NUP98: variants seen among roughly 807,000 people sequenced by gnomAD.
NUP98 encodes nuclear pore complex protein Nup98-Nup96.
In NUP98, 26 loss-of-function variants were observed where a neutral mutation model predicts 191.9. That is an observed-to-expected ratio of 0.14 (90% confidence interval 0.10 to 0.19). NUP98 has a LOEUF of 0.19. NUP98 is among the 10% of genes least tolerant of loss of function. The pLI, the probability that NUP98 is intolerant of heterozygous loss-of-function variation, is 1.00. For synonymous variants in NUP98, 808 were observed against 778.4 expected, an observed-to-expected ratio of 1.04 and a Z score of -0.63; for missense variants, 1,941 against 2,178.8, an observed-to-expected ratio of 0.89 and a Z score of 2.17.
rs775513489 is a variant in NUP98, at chr11:3,706,674, A to G, written c.2743-47T>C. 11 of 1,491,994 alleles carry G rather than the reference A, an allele frequency of 7.4e-6. No homozygotes were observed. The African/African-American group carries it at 1.5e-4, about 21-fold the overall frequency. The allele number at this position is 1,491,994 out of a possible 1,614,324, so 92.4% of individuals were successfully genotyped here. ...GGAAAGCAGCATTAAATTATACCAAACAGAAATAGATTCTAAATCAGATTT... is the reference window on the plus strand; with the variant it reads ...GGAAAGCAGCATTAAATTATACCAAGCAGAAATAGATTCTAAATCAGATTT... On this transcript the variant is annotated intron_variant, in intron 20 of 32. Coordinates refer to ENST00000324932, the MANE Select transcript of NUP98 (RefSeq NM_016320.5).
At chr11:3,696,398 A>G (rs536642294) in intron 25 of NUP98, among the ~76,000 whole-genome samples, 1 of 151,906 alleles carries the variant, frequency 6.6e-6, no homozygotes. Context: ...GCTACTCAAG[A>G]GGCTGAGACA....
intron 1 of NUP98, among the ~76,000 whole-genome samples, chr11:3,796,109 A>T (rs1564946841): frequency 6.6e-6 from 1 of 152,170 alleles, no homozygotes; most frequent in East Asian, 1.9e-4. Context: ...TTCTTTTCGA[A>T]TTTGTAAGAC....
chr11:3,775,578 T>C (rs1272077863), intron 5 of NUP98, among the ~76,000 whole-genome samples: 5 of 151,838 alleles, frequency 3.3e-5, no homozygotes, highest in African/African-American at 9.7e-5. Flanking sequence ...AATTGAACAG[T>C]TGACCATTCA....
intron 7 of NUP98, among the ~76,000 whole-genome samples, chr11:3,771,415 T>C (rs2081527484): frequency 6.6e-6 from 1 of 152,126 alleles, no homozygotes; most frequent in Admixed American, 6.6e-5. Flanking sequence ...TCCCTTGCCC[T>C]CTCTTCAAAT....
intron 13 of NUP98, among the ~76,000 whole-genome samples, chr11:3,732,231 G>A (rs1361524728): frequency 6.6e-6 from 1 of 152,134 alleles, no homozygotes; most frequent in African/African-American, 2.4e-5. Context: ...CTGGGTGACA[G>A]AGCGAGACTC....
chr11:3,721,677 C>T (rs2079405884), intron 16 of NUP98, among the ~76,000 whole-genome samples: 1 of 150,400 alleles, frequency 6.6e-6, no homozygotes, highest in Admixed American at 6.6e-5. Context: ...CCAGCCTGGG[C>T]AACCAAGAGT....
At chr11:3,736,614 C>A (rs960608898) in intron 12 of NUP98, among the ~76,000 whole-genome samples, 6 of 152,106 alleles carry the variant, frequency 3.9e-5, no homozygotes, top group Non-Finnish European at 7.4e-5. Flanking sequence ...GGTGAAAGAG[C>A]GAGACTCTGC....
intron 28 of NUP98, among the ~76,000 whole-genome samples, chr11:3,688,941 G>C (rs1205794321): frequency 1.3e-5 from 2 of 151,060 alleles, no homozygotes; most frequent in Non-Finnish European, 2.9e-5. Flanking sequence ...GGTAATGTAA[G>C]AAGACTTCTC....
intron 24 of NUP98, 115 bp downstream of exon 24, chr11:3,700,495 A>G (rs2078644392): frequency 8.1e-6 from 5 of 618,454 alleles, no homozygotes; most frequent in Non-Finnish European, 1.4e-5. Flanking sequence ...TCAGAAAATG[A>G]CAAGCACAGG....
chr11:3,676,347 G>A lies in NUP98; in HGVS notation c.5215C>T (p.Arg1739Cys), dbSNP rs764183114. 41 of 1,613,894 alleles carry A rather than the reference G, an allele frequency of 2.5e-5. No individual in the cohort carries two copies. The highest frequency in any genetic ancestry group is 1.1e-4 in the East Asian group (5 of 44,894). ...DMAKRVANLLRVVLSLHHPPD... is the reference protein window; with the variant it reads ...DMAKRVANLLCVVLSLHHPPD... ...GGATGATGCAGACTCAGCACCACGC[G>A]CAGCAGGTTGGCTACACGTTTGGCC... Residue 1739 changes from arginine (R) to cysteine (C), a missense_variant, in exon 33 of 33, where the codon CGC becomes TGC. Physicochemically the swap from Arg to Cys is radical, Grantham distance 180. Coordinates refer to ENST00000324932, the MANE Select transcript of NUP98 (RefSeq NM_016320.5).
intron 20 of NUP98, among the ~76,000 whole-genome samples, chr11:3,709,423 G>C (rs1411608234): frequency 6.6e-6 from 1 of 152,010 alleles, no homozygotes; most frequent in East Asian, 1.9e-4. Context: ...ACTTATTTAG[G>C]CAGGGCGCTG....
At chr11:3,678,621 A>G (rs2077890180) in intron 31 of NUP98, among the ~76,000 whole-genome samples, 1 of 152,202 alleles carries the variant, frequency 6.6e-6, no homozygotes, top group African/African-American at 2.4e-5. Flanking sequence ...TGTGGAACAT[A>G]ATATGGTTTG....
At chr11:3,779,416 C>A (rs965259793) in intron 2 of NUP98, among the ~76,000 whole-genome samples, 159 bp from the exon 3 acceptor site, 1 of 151,980 alleles carries the variant, frequency 6.6e-6, no homozygotes, top group Non-Finnish European at 1.5e-5. Context: ...CCGAGGCGGG[C>A]GGATCACCTG....
chr11:3,723,744 AAATAAT>A (rs149531138), intron 15 of NUP98, among the ~76,000 whole-genome samples: 16 of 151,618 alleles, frequency 1.1e-4, no homozygotes, highest in South Asian at 2.1e-4. Context: ...AATGCTTTAT[AAATAAT>A]AATAATAATA....
At chr11:3,724,106 A>C (rs1258539464) in intron 15 of NUP98, among the ~76,000 whole-genome samples, 1 of 152,084 alleles carries the variant, frequency 6.6e-6, no homozygotes, top group African/African-American at 2.4e-5. Flanking sequence ...TCATTCGTGC[A>C]TAATCTTTAT....
rs2081987117 is a variant in NUP98, at chr11:3,782,026, CT to C, written c.76+15del. On this transcript the variant is annotated intron_variant, in intron 2 of 32. Transcript: ENST00000324932. ...GATTAAGGTTTCTCCCTCTTTTGTC[CT>C]TTTTAAAAACTTACTCTGTCCAAAT... 1 of 1,595,492 alleles carries C rather than the reference CT, an allele frequency of 6.3e-7. No homozygotes were observed. The highest frequency in any genetic ancestry group is 8.6e-7 in the Non-Finnish European group (1 of 1,166,264).
rs1284381580 is a variant in NUP98, at chr11:3,676,506, T to C, written c.5185+3A>G. 1.2e-6 allele frequency: 2 copies of C among 1,611,844 alleles called. No homozygotes were observed. The highest frequency in any genetic ancestry group is 1.7e-5 in the Admixed American group (1 of 60,028). ...AGAAAGAGTGAGGAGGTTAGAGGCT[T>C]ACCTGACTGAGCCAGGCGATCTTTA... On this transcript the variant is annotated splice_donor_region_variant and intron_variant, in intron 32 of 32. Transcript: ENST00000324932.
In NUP98 at chr11:3,794,543, T is replaced by C. The variant is rs894049447; in HGVS notation, c.-29+2857A>G. 2.3e-4 allele frequency among the ~76,000 whole-genome samples: 35 copies of C among 152,058 alleles called. 1 individual carries two copies. Among genetic ancestry groups the C allele is most frequent in the Non-Finnish European group, 7.4e-5 (5 of 67,996 alleles). On this transcript the variant is annotated intron_variant, in intron 1 of 32. Transcript: ENST00000324932. Reference sequence around the variant, plus strand: ...GGTTTCACCATGTTGCCCAGGCTGGTCTCAAACTCCTGAGCTCAGGCAATC... The same window carrying C: ...GGTTTCACCATGTTGCCCAGGCTGGCCTCAAACTCCTGAGCTCAGGCAATC...
At chr11:3,792,774 A>G (rs4910811) in intron 1 of NUP98, among the ~76,000 whole-genome samples, 13,484 of 152,258 alleles carry the variant, frequency 0.089, 746 homozygotes, top group African/African-American at 0.14. Flanking sequence ...ATACAACAGA[A>G]TACAAAAGTT....
Sources: allele counts gnomAD v4.1 joint callset (sites outside exome capture counted in the v4.1 genomes callset), GRCh38; gene constraint gnomAD v4.1.1; transcripts MANE v1.5; gene names NCBI Gene and HGNC (gene_info 2026-07-23, HGNC 2026-07-21).